Variants in PDCD10 observed in about 807,000 individuals in gnomAD.
The protein encoded by PDCD10 is programmed cell death protein 10.
PDCD10 carries 4 observed loss-of-function variants against 29.2 expected under a neutral mutation model. That is an observed-to-expected ratio of 0.14 (90% confidence interval 0.07 to 0.31). The LOEUF (loss-of-function observed/expected upper bound fraction) is 0.31, where lower values mean the gene tolerates loss of function less well. Among genes scored for constraint, PDCD10 ranks in the 10% least tolerant of loss-of-function variants. PDCD10 has a pLI of 1.00. For missense variants in PDCD10, 183 were observed against 257.9 expected (o/e 0.71, Z 1.99); for synonymous variants, 70 against 82.2 (o/e 0.85, Z 0.80).
chr3:167,693,077 T>A (rs896426249), intron 6 of PDCD10, among the ~76,000 whole-genome samples: 1 of 152,228 alleles, frequency 6.6e-6, no homozygotes, highest in Non-Finnish European at 1.5e-5. Flanking sequence ...TGCATACCTA[T>A]CACGAACCAT....
intron 6 of PDCD10, among the ~76,000 whole-genome samples, chr3:167,692,363 G>A (rs1347919367): frequency 6.6e-6 from 1 of 152,132 alleles, no homozygotes. Context: ...TACATTTTGT[G>A]CATACAACAA....
chr3:167,704,886 C>G lies in PDCD10; in HGVS notation c.106G>C (p.Val36Leu). ...MYPVFNELER[V>L]NLSAAQTLRA... ...AGTGTCTGGGCTGCAGACAGATTTA[C>G]TCGTTCTAGCTGCAATAAAAATTTT... The change falls in exon 4 of 9, where the codon GTA becomes CTA. Residue 36 changes from valine to leucine, a missense_variant. By Grantham distance (32) the Val-to-Leu change is conservative (BLOSUM62 1). Transcript: ENST00000392750. The G allele has an allele frequency of 6.2e-7, 1 of 1,604,804 alleles. No homozygotes were observed. Among genetic ancestry groups the G allele is most frequent in the Non-Finnish European group, 8.5e-7 (1 of 1,172,236 alleles).
At chr3:167,691,422 C>T (rs948102245) in intron 6 of PDCD10, among the ~76,000 whole-genome samples, 2 of 152,124 alleles carry the variant, frequency 1.3e-5, no homozygotes, top group African/African-American at 4.8e-5. Flanking sequence ...ATTATTACTC[C>T]CTCATAAAGA....
chr3:167,708,319 C>G (rs533464773), intron 3 of PDCD10, among the ~76,000 whole-genome samples: 9 of 148,910 alleles, frequency 6.0e-5, no homozygotes, highest in Non-Finnish European at 1.2e-4. Context: ...TTTTAAAAGA[C>G]TCCTGCTTTC....
At chr3:167,691,818 C>G (rs948323300) in intron 6 of PDCD10, among the ~76,000 whole-genome samples, 1 of 152,306 alleles carries the variant, frequency 6.6e-6, no homozygotes, top group Admixed American at 6.5e-5. Context: ...ATTAGATTGC[C>G]TGGGTTCAAA....
Position 167,720,371 on chromosome 3 carries a change from T to C in PDCD10, c.-116-98A>G, listed in dbSNP as rs548657457. 117 of 526,186 alleles carry C rather than the reference T, an allele frequency of 2.2e-4. 1 individual carries two copies. The South Asian group carries it at 2.4e-3, about 11-fold the overall frequency. 32.6% of individuals were successfully genotyped at this position (526,186 alleles called of 1,614,324 possible). A position where few individuals can be genotyped will look rare whatever the true frequency, so the allele number is the denominator to read the frequency against. On this transcript the variant is annotated intron_variant, in intron 2 of 8. Coordinates refer to ENST00000392750, the MANE Select transcript of PDCD10 (RefSeq NM_007217.4). ...TCCAAATTACAGAGTTCCTATTTTATGAAAAGCTATTTTTTAATATATTCT... is the reference window on the plus strand; with the variant it reads ...TCCAAATTACAGAGTTCCTATTTTACGAAAAGCTATTTTTTAATATATTCT...
chr3:167,711,564 A>T (rs559217592), intron 3 of PDCD10, among the ~76,000 whole-genome samples: 1 of 152,324 alleles, frequency 6.6e-6, no homozygotes, highest in East Asian at 1.9e-4. Flanking sequence ...CTGGCATTAA[A>T]GAGGAGGTAG....
chr3:167,702,759 T>C (rs569263042), intron 4 of PDCD10, among the ~76,000 whole-genome samples: 34 of 152,302 alleles, frequency 2.2e-4, no homozygotes, highest in African/African-American at 6.0e-4. Flanking sequence ...CTTTCATCTT[T>C]TTCAAAAGTT....
intron 3 of PDCD10, among the ~76,000 whole-genome samples, chr3:167,705,399 A>G (rs533755688): frequency 1.3e-5 from 2 of 152,318 alleles, no homozygotes; most frequent in Admixed American, 1.3e-4. Context: ...AATGTAATCT[A>G]TATAGATTTT....
intron 3 of PDCD10, among the ~76,000 whole-genome samples, chr3:167,717,499 C>A (rs1187356815): frequency 1.3e-5 from 2 of 151,928 alleles, no homozygotes. Context: ...AAAAGCCAAA[C>A]TAAAATATAA....
chr3:167,699,716 G>C (rs1377719683), intron 4 of PDCD10, among the ~76,000 whole-genome samples: 2 of 152,136 alleles, frequency 1.3e-5, no homozygotes, highest in African/African-American at 4.8e-5. Context: ...TCTGGAAGAC[G>C]GACAACCTAT....
intron 3 of PDCD10, among the ~76,000 whole-genome samples, chr3:167,716,369 G>C (rs1355204702): frequency 1.1e-4 from 16 of 151,926 alleles, no homozygotes; most frequent in Non-Finnish European, 1.5e-5. Flanking sequence ...GGTTACAATA[G>C]TCAACACTAA....
Position 167,698,235 on chromosome 3 carries a change from G to A in PDCD10, c.151-1109C>T, listed in dbSNP as rs959468377. 3.3e-5 allele frequency among the ~76,000 whole-genome samples: 5 copies of A among 152,014 alleles called. No individual in the cohort carries two copies. In the South Asian group the frequency reaches 1.0e-3, roughly 32 times the overall value. ...AATACACGCATTTATTCCAATCTTC[G>A]GATCATTTTAAATGCTGTCAGATAC... On this transcript the variant is annotated intron_variant, in intron 4 of 8. Transcript: ENST00000392750.
In PDCD10 at chr3:167,733,413, AACTATACGTGT is replaced by A. The variant is rs1252707883; in HGVS notation, c.-117+790_-117+800del. Reference sequence around the variant, plus strand: ...AAGGCACTACTTTCTGCAAGATATGAACTATACGTGTACTGTTTTTTCATTCTTCAATGTAA... The same window carrying A: ...AAGGCACTACTTTCTGCAAGATATGAACTGTTTTTTCATTCTTCAATGTAA... On this transcript the variant is annotated intron_variant, in intron 2 of 8. Coordinates refer to ENST00000392750, the MANE Select transcript of PDCD10 (RefSeq NM_007217.4). 2.0e-5 allele frequency among the ~76,000 whole-genome samples: 3 copies of A among 152,194 alleles called. 1 individual carries two copies. Among genetic ancestry groups the A allele is most frequent in the African/African-American group, 7.2e-5 (3 of 41,452 alleles).
chr3:167,708,790 T>A (rs1722251127), intron 3 of PDCD10, among the ~76,000 whole-genome samples: 1 of 152,308 alleles, frequency 6.6e-6, no homozygotes, highest in South Asian at 2.1e-4. Context: ...ATAAAAATAT[T>A]CCATTAAAAC....
chr3:167,697,793 C>T, intron 4 of PDCD10: 3 of 384,280 alleles, frequency 7.8e-6, no homozygotes, highest in Non-Finnish European at 1.5e-5. Flanking sequence ...ACTTAGACTC[C>T]CCAAGACACT....
chr3:167,724,604 G>A (rs978508043), intron 2 of PDCD10, among the ~76,000 whole-genome samples: 7 of 152,172 alleles, frequency 4.6e-5, no homozygotes, highest in Admixed American at 2.0e-4. Context: ...CCAAATTCAT[G>A]AGTTGAGATG....
intron 2 of PDCD10, among the ~76,000 whole-genome samples, chr3:167,726,460 T>C (rs956842820): frequency 6.6e-6 from 1 of 152,082 alleles, no homozygotes; most frequent in Non-Finnish European, 1.5e-5. Flanking sequence ...TTTCTACACA[T>C]AGATAGACAG....
chr3:167,724,701 A>T (rs1250741113), intron 2 of PDCD10, among the ~76,000 whole-genome samples: 1 of 152,226 alleles, frequency 6.6e-6, no homozygotes, highest in African/African-American at 2.4e-5. Flanking sequence ...AAATCAAATT[A>T]ATTCTATTAA....
Sources: gnomAD v4.1 joint callset for allele counts (sites outside exome capture counted in the v4.1 genomes callset) on GRCh38, gnomAD v4.1.1 for gene constraint, MANE v1.5 for transcripts, NCBI Gene and HGNC (gene_info 2026-07-23, HGNC 2026-07-21) for gene names.